The following CTNNA3 variants were observed in gnomAD, a reference collection of about 807,000 sequenced individuals.
CTNNA3 encodes catenin alpha-3.
A neutral mutation model predicts 95.7 loss-of-function variants in CTNNA3; 76 were observed. That is an observed-to-expected ratio of 0.79 (90% CI 0.66 to 0.96). The LOEUF is 0.96. CTNNA3 is among the 40% of genes least tolerant of loss of function. The pLI is 0.00. For missense variants in CTNNA3, 1,191 were observed against 1,089.8 expected, an observed-to-expected ratio of 1.09 and a Z score of -1.31; for synonymous variants, 431 against 374.4, an observed-to-expected ratio of 1.15 and a Z score of -1.74.
At chr10:66,406,662 T>C (rs927099236) in intron 11 of CTNNA3, among the ~76,000 whole-genome samples, 1 of 152,116 alleles carries the variant, frequency 6.6e-6, no homozygotes, top group African/African-American at 2.4e-5. Flanking sequence ...ATCAAAGATA[T>C]AGAGACAAAC....
At chr10:66,425,830 C>T (rs1046620019) in intron 11 of CTNNA3, among the ~76,000 whole-genome samples, 1 of 151,928 alleles carries the variant, frequency 6.6e-6, no homozygotes, top group Admixed American at 6.6e-5. Flanking sequence ...ACATATGGAA[C>T]CAGGACTGAG....
chr10:67,148,524 T>G (rs1860943139), intron 7 of CTNNA3, among the ~76,000 whole-genome samples: 1 of 152,214 alleles, frequency 6.6e-6, no homozygotes, highest in African/African-American at 2.4e-5. Flanking sequence ...TTCTCCCAAT[T>G]TAAATCCTAG....
chr10:66,206,891 T>C (rs1350200340), intron 13 of CTNNA3, among the ~76,000 whole-genome samples: 2 of 151,882 alleles, frequency 1.3e-5, no homozygotes, highest in African/African-American at 2.4e-5. Flanking sequence ...TACTGTCTAT[T>C]AAAAATGTAT....
chr10:66,134,103 C>T (rs906694232), intron 13 of CTNNA3, among the ~76,000 whole-genome samples: 1 of 151,896 alleles, frequency 6.6e-6, no homozygotes, highest in Non-Finnish European at 1.5e-5. Flanking sequence ...AAGAAAATAT[C>T]GACAACATGC....
intron 12 of CTNNA3, among the ~76,000 whole-genome samples, chr10:66,317,663 ACT>A (rs992524616): frequency 2.7e-5 from 4 of 150,134 alleles, no homozygotes; most frequent in Non-Finnish European, 1.5e-5. Flanking sequence ...ACAGTGCAAG[ACT>A]CTGTCTCAAA....
intron 1 of CTNNA3, among the ~76,000 whole-genome samples, chr10:67,716,796 G>A (rs1044535774): frequency 1.3e-5 from 2 of 152,072 alleles, no homozygotes; most frequent in African/African-American, 4.8e-5. Flanking sequence ...GTGCATGTGT[G>A]TTTAGAGTAG....
intron 2 of CTNNA3, among the ~76,000 whole-genome samples, chr10:67,640,225 G>A (rs1402855092): frequency 6.6e-6 from 1 of 152,072 alleles, no homozygotes; most frequent in African/African-American, 2.4e-5. Context: ...CAAACAGAGA[G>A]CCAAATCATG....
chr10:66,633,370 T>A (rs1845213010), intron 9 of CTNNA3, among the ~76,000 whole-genome samples: 1 of 152,142 alleles, frequency 6.6e-6, no homozygotes. Context: ...ATGGAAAACA[T>A]GATTCTATTT....
At chr10:67,060,835 A>T (rs1353426336) in intron 7 of CTNNA3, among the ~76,000 whole-genome samples, 1 of 148,582 alleles carries the variant, frequency 6.7e-6, no homozygotes, top group Non-Finnish European at 1.5e-5. Context: ...CATATATGAC[A>T]TGAAAAAGAA....
At chr10:67,357,016 T>G (rs1842835608) in intron 5 of CTNNA3, among the ~76,000 whole-genome samples, 2 of 152,140 alleles carry the variant, frequency 1.3e-5, no homozygotes, top group Admixed American at 1.3e-4. Context: ...CACAACCGTT[T>G]AACGTCTCTT....
Position 67,539,682 on chromosome 10 carries a change from A to AC in CTNNA3, c.293-14dup. Reference sequence around the variant, plus strand: ...TTCAGAGCTTCACCTGAAAAATACAACCCCATATAAGTTATACTTTAAGTT... The same window carrying AC: ...TTCAGAGCTTCACCTGAAAAATACAACCCCCATATAAGTTATACTTTAAGTT... On this transcript the variant is annotated splice_polypyrimidine_tract_variant and intron_variant, in intron 3 of 17. Coordinates refer to ENST00000433211, the MANE Select transcript of CTNNA3 (RefSeq NM_013266.4). The AC allele has an allele frequency of 6.2e-7, 1 of 1,612,004 alleles. No individual in the cohort carries two copies. Among genetic ancestry groups the AC allele is most frequent in the Non-Finnish European group, 8.5e-7 (1 of 1,178,600 alleles).
intron 11 of CTNNA3, among the ~76,000 whole-genome samples, chr10:66,400,798 T>A (rs1259065217): frequency 1.3e-5 from 2 of 152,162 alleles, no homozygotes; most frequent in African/African-American, 4.8e-5. Flanking sequence ...GATACCTATT[T>A]TCTCTTCCAA....
chr10:66,698,348 C>T (rs972113797), intron 9 of CTNNA3, among the ~76,000 whole-genome samples: 1 of 152,208 alleles, frequency 6.6e-6, no homozygotes, highest in Non-Finnish European at 1.5e-5. Flanking sequence ...TCTGATGAGA[C>T]TACATTCTTG....
chr10:66,269,617 T>A (rs879917283), intron 13 of CTNNA3, among the ~76,000 whole-genome samples: 3 of 152,184 alleles, frequency 2.0e-5, no homozygotes, highest in Admixed American at 1.3e-4. Flanking sequence ...TAAAACACAC[T>A]TTAATCATTA....
chr10:67,653,312 T>A (rs1839929609), intron 1 of CTNNA3, among the ~76,000 whole-genome samples: 1 of 152,088 alleles, frequency 6.6e-6, no homozygotes, highest in African/African-American at 2.4e-5. Flanking sequence ...GTCCAATCAC[T>A]CCACACCAGA....
chr10:66,216,427 T>C (rs2088541911), intron 13 of CTNNA3, among the ~76,000 whole-genome samples: 2 of 152,244 alleles, frequency 1.3e-5, no homozygotes, highest in African/African-American at 4.8e-5. Flanking sequence ...TGTTTCTTTC[T>C]GAGGAACTGG....
At chr10:67,512,942 G>A (rs529594970) in intron 5 of CTNNA3, among the ~76,000 whole-genome samples, 11 of 152,116 alleles carry the variant, frequency 7.2e-5, no homozygotes, top group South Asian at 2.1e-4. Context: ...CCAAGATCGC[G>A]TCACTGACTC....
chr10:66,253,814 T>G (rs1053091629), intron 13 of CTNNA3, among the ~76,000 whole-genome samples: 1 of 152,130 alleles, frequency 6.6e-6, no homozygotes, highest in Admixed American at 6.6e-5. Flanking sequence ...TTATAGTGAT[T>G]CCAACAGAAA....
chr10:66,290,230 T>A (rs917260787), intron 12 of CTNNA3, among the ~76,000 whole-genome samples: 4 of 151,762 alleles, frequency 2.6e-5, no homozygotes, highest in Admixed American at 2.6e-4. Flanking sequence ...TAAAAAAGAG[T>A]CAAGTGTGCA....
Sources: allele counts gnomAD v4.1 joint callset (sites outside exome capture counted in the v4.1 genomes callset), GRCh38; gene constraint gnomAD v4.1.1; transcripts MANE v1.5; gene names NCBI Gene and HGNC (gene_info 2026-07-23, HGNC 2026-07-21).